CDYL2: variants seen among roughly 807,000 people sequenced by gnomAD.
CDYL2 encodes chromodomain Y like 2.
Under a neutral mutation model 49.4 loss-of-function variants are expected in CDYL2, and 23 were observed. The ratio of observed to expected loss-of-function variants is 0.47; its 90% CI spans 0.34 to 0.66. The LOEUF (loss-of-function observed/expected upper bound fraction) is 0.66. CDYL2 is among the 30% of genes least tolerant of loss of function. The pLI is 0.01. For synonymous variants in CDYL2, 360 were observed against 268.8 expected, an observed-to-expected ratio of 1.34 and a Z score of -3.32; for missense variants, 678 against 656.4, an observed-to-expected ratio of 1.03 and a Z score of -0.36.
At chr16:80,678,056 A>G (rs1335510150) in intron 2 of CDYL2, among the ~76,000 whole-genome samples, 1 of 152,042 alleles carries the variant, frequency 6.6e-6, no homozygotes, top group Non-Finnish European at 1.5e-5. Context: ...CTGGCTAGCC[A>G]TATGTAGAAA....
At chr16:80,712,191 G>GTA (rs60399715) in intron 1 of CDYL2, among the ~76,000 whole-genome samples, 34,776 of 107,838 alleles carry the variant, frequency 0.32, 5,909 homozygotes, top group East Asian at 0.41. Context: ...GTCTGTGTGT[G>GTA]TATATATATA....
intron 3 of CDYL2, among the ~76,000 whole-genome samples, chr16:80,629,458 T>A (rs1454430977): frequency 6.6e-6 from 1 of 152,208 alleles, no homozygotes; most frequent in Non-Finnish European, 1.5e-5. Context: ...CTCCTGCATG[T>A]CTGCTGTGTT....
rs187328705 is a variant in CDYL2 at position 80,721,195 on chromosome 16, T to C, written c.25-36066A>G. ...ATAAGAGTGCTAAGAAACTAATCAC[T>C]GTCATGTGCTAGCTGTTTGCTGTCT... is the stretch of plus-strand genomic sequence containing the variant. On this transcript the variant is annotated intron_variant, in intron 1 of 6. Transcript: ENST00000570137. 6.1e-3 allele frequency among the ~76,000 whole-genome samples: 912 copies of C among 149,874 alleles called. 6 individuals carry two copies. Among genetic ancestry groups the C allele is most frequent in the African/African-American group, 0.021 (860 of 41,378 alleles).
At chr16:80,617,310 G>C (rs1181982175) in intron 4 of CDYL2, among the ~76,000 whole-genome samples, 1 of 152,228 alleles carries the variant, frequency 6.6e-6, no homozygotes, top group East Asian at 1.9e-4. Context: ...CCAGGAGCGT[G>C]TCCCAAGAGA....
chr16:80,793,825 C>G (rs886351765), intron 1 of CDYL2, among the ~76,000 whole-genome samples: 7 of 152,020 alleles, frequency 4.6e-5, no homozygotes, highest in Non-Finnish European at 8.8e-5. Flanking sequence ...CATTAACTTC[C>G]GAGAATAATA....
chr16:80,631,168 T>C (rs564479002), intron 3 of CDYL2, among the ~76,000 whole-genome samples: 104 of 152,328 alleles, frequency 6.8e-4, no homozygotes, highest in African/African-American at 1.3e-3. Context: ...CCTAGCCCAG[T>C]TGGGTTGTTT....
intron 2 of CDYL2, among the ~76,000 whole-genome samples, chr16:80,656,515 G>C (rs1339559315): frequency 6.6e-6 from 1 of 152,216 alleles, no homozygotes; most frequent in Non-Finnish European, 1.5e-5. Flanking sequence ...GAGAAGTAAA[G>C]GAAATGGTGC....
chr16:80,704,443 T>C (rs1257648021), intron 1 of CDYL2, among the ~76,000 whole-genome samples: 1 of 152,188 alleles, frequency 6.6e-6, no homozygotes, highest in South Asian at 2.1e-4. Context: ...TAAAAACAAA[T>C]GTGGCCCTCA....
intron 1 of CDYL2, among the ~76,000 whole-genome samples, chr16:80,785,175 T>C (rs970163927): frequency 2.0e-5 from 3 of 152,136 alleles, no homozygotes; most frequent in Non-Finnish European, 4.4e-5. Context: ...GTGAAATTGT[T>C]TCTGTTTGCA....
intron 2 of CDYL2, among the ~76,000 whole-genome samples, chr16:80,655,481 G>T (rs1343501634): frequency 6.6e-6 from 1 of 152,182 alleles, no homozygotes; most frequent in Non-Finnish European, 1.5e-5. Context: ...AAACAATAGG[G>T]TGATGTGATA....
chr16:80,711,209 G>C (rs1243510257), intron 1 of CDYL2, among the ~76,000 whole-genome samples: 6 of 152,208 alleles, frequency 3.9e-5, no homozygotes. Context: ...TTACCAGGAA[G>C]ACAACTTTCT....
At chr16:80,693,857 A>G (rs7202548) in intron 1 of CDYL2, among the ~76,000 whole-genome samples, 85,421 of 151,988 alleles carry the variant, frequency 0.56, 24,812 homozygotes, top group Middle Eastern at 0.72. Context: ...AAGGTGTCAG[A>G]GGCTCCCAGG....
intron 1 of CDYL2, among the ~76,000 whole-genome samples, chr16:80,711,221 G>A (rs765361980): frequency 3.9e-4 from 59 of 152,192 alleles, no homozygotes; most frequent in Non-Finnish European, 7.8e-4. Flanking sequence ...CAACTTTCTG[G>A]ACAAAGCAGA....
intron 1 of CDYL2, among the ~76,000 whole-genome samples, chr16:80,703,936 G>A (rs574053991): frequency 6.9e-4 from 105 of 152,216 alleles, no homozygotes; most frequent in Middle Eastern, 3.4e-3. Context: ...GGGTGGGTGC[G>A]CCCATCACCA....
Position 80,684,735 on chromosome 16 carries a change from G to A in CDYL2, c.419C>T (p.Thr140Ile). ...GGGCATTATTTGCAAACCACTGGGG[G>A]TAGTCCTGTAAGACACCGTCTTGGT... ...RATKTVSYRTTPSGLQIMPLK... is the reference protein window; with the variant it reads ...RATKTVSYRTIPSGLQIMPLK... The change falls in exon 2 of 7, where the codon ACC becomes ATC. Residue 140 changes from threonine to isoleucine, a missense_variant. Physicochemically the swap from Thr to Ile is moderately conservative, Grantham distance 89 (BLOSUM62 -1). This residue lies in a region of CDYL2 where 478 missense variants were observed against 427.0 expected (regional missense o/e 1.12). Coordinates refer to ENST00000570137, the MANE Select transcript of CDYL2 (RefSeq NM_152342.4). The A allele has an allele frequency of 1.2e-6, 2 of 1,614,154 alleles. No individual in the cohort carries two copies. The highest frequency in any genetic ancestry group is 1.7e-6 in the Non-Finnish European group (2 of 1,180,038).
intron 2 of CDYL2, among the ~76,000 whole-genome samples, chr16:80,646,382 G>C (rs758237160): frequency 2.6e-5 from 4 of 152,168 alleles, no homozygotes; most frequent in Non-Finnish European, 4.4e-5. Flanking sequence ...GAAGTGCACA[G>C]AATTCCCAGA....
chr16:80,639,634 A>G (rs1244113062), intron 2 of CDYL2: 1 of 453,004 alleles, frequency 2.2e-6, no homozygotes, highest in South Asian at 1.6e-5. Flanking sequence ...AAAAAAAAAT[A>G]CCTTCATAAG....
chr16:80,748,506 TAAA>T (rs538432449), intron 1 of CDYL2, among the ~76,000 whole-genome samples: 37 of 19,114 alleles, frequency 1.9e-3, no homozygotes, highest in East Asian at 7.2e-3. Context: ...AAAACTCCAT[TAAA>T]AAAAAAAAAA....
Position 80,603,912 on chromosome 16 carries a change from C to T in CDYL2, c.*476G>A, listed in dbSNP as rs1195791472. ...GGAAAGGAGACTGAGGCCAGGTGTG[C>T]ACAATCATTTTGCTCATTGGTCTGG... On this transcript the variant is annotated 3_prime_UTR_variant, in exon 7 of 7. Coordinates refer to ENST00000570137, the MANE Select transcript of CDYL2 (RefSeq NM_152342.4). 1.2e-5 allele frequency: 2 copies of T among 160,270 alleles called. No individual in the cohort carries two copies. Among genetic ancestry groups the T allele is most frequent in the East Asian group, 1.7e-4 (1 of 5,724 alleles). The allele number at this position is 160,270 out of a possible 1,614,324, so 9.9% of individuals were successfully genotyped here.
Sources: allele counts gnomAD v4.1 joint callset (sites outside exome capture counted in the v4.1 genomes callset), GRCh38; gene constraint gnomAD v4.1.1; regional missense constraint gnomAD v4.1.1; transcripts MANE v1.5; gene names NCBI Gene and HGNC (gene_info 2026-07-23, HGNC 2026-07-21).